The following ZNF385D variants were observed in gnomAD, a reference collection of about 807,000 sequenced individuals.
ZNF385D encodes zinc finger protein 385D, also known as zinc finger protein 659.
In ZNF385D, 15 loss-of-function variants were observed where a neutral mutation model predicts 35.8. The observed-to-expected ratio is 0.42, with a 90% confidence interval of 0.28 to 0.64. ZNF385D has a LOEUF of 0.64. Among genes scored for constraint, ZNF385D ranks in the 30% least tolerant of loss-of-function variants. The pLI, the probability that ZNF385D is intolerant of heterozygous loss-of-function variation, is 0.23. For missense variants in ZNF385D, 474 were observed against 494.6 expected (o/e 0.96, Z 0.39); for synonymous variants, 212 against 186.8 (o/e 1.13, Z -1.10).
In ZNF385D at chr3:22,019,067, T is replaced by A. The variant is rs1272786381; in HGVS notation, c.325+149750A>T. On this transcript the variant is annotated intron_variant, in intron 3 of 5. Transcript: ENST00000494108. ...TTTTTTTTTTTTTTTTTTTTTTTTT[T>A]ATGAAGGAGGCTATCCCTGTAGGGT... Among the ~76,000 whole-genome samples, 23 of 125,266 alleles carry A rather than the reference T, an allele frequency of 1.8e-4. 1 individual carries two copies. The highest frequency in any genetic ancestry group is 5.3e-4 in the East Asian group (2 of 3,772). The allele number at this position is 125,266 out of a possible 152,430, so 82.2% of individuals were successfully genotyped here.
intron 3 of ZNF385D, among the ~76,000 whole-genome samples, chr3:21,847,850 A>T (rs1271279292): frequency 6.6e-6 from 1 of 152,038 alleles, no homozygotes; most frequent in African/African-American, 2.4e-5. Flanking sequence ...AATATTTAAC[A>T]TGAGACCACA....
intron 3 of ZNF385D, among the ~76,000 whole-genome samples, chr3:22,118,267 T>C (rs960581582): frequency 2.0e-5 from 3 of 152,100 alleles, no homozygotes; most frequent in Non-Finnish European, 2.9e-5. Context: ...GTGACTGCCA[T>C]AGAGAAAATA....
Position 21,417,811 on chromosome 3 carries a change from C to A in ZNF385D, c.*3403G>T, listed in dbSNP as rs1351291027. ...TTCTTGGCAACAAAATATGTAGCACCTTTAGAAAAACCAAATTTCATCTCT... is the reference window on the plus strand; with the variant it reads ...TTCTTGGCAACAAAATATGTAGCACATTTAGAAAAACCAAATTTCATCTCT... On this transcript the variant is annotated 3_prime_UTR_variant, in exon 8 of 8. Transcript: ENST00000281523. 2.0e-5 allele frequency: 3 copies of A among 152,064 alleles called. No homozygotes were observed. Among genetic ancestry groups the A allele is most frequent in the Non-Finnish European group, 2.9e-5 (2 of 68,000 alleles). The allele number at this position is 152,064 out of a possible 1,614,324, so 9.4% of individuals were successfully genotyped here.
chr3:21,828,002 T>C (rs1694756834), intron 3 of ZNF385D, among the ~76,000 whole-genome samples: 1 of 152,210 alleles, frequency 6.6e-6, no homozygotes, highest in South Asian at 2.1e-4. Flanking sequence ...TAAGGAAAAC[T>C]TGACTCAGAG....
At chr3:21,648,785 A>G (rs1670008019) in intron 2 of ZNF385D, among the ~76,000 whole-genome samples, 1 of 152,190 alleles carries the variant, frequency 6.6e-6, no homozygotes, top group Non-Finnish European at 1.5e-5. Context: ...ACCCAAGACA[A>G]GTACAGTATT....
chr3:22,112,724 T>C (rs1406249942), intron 3 of ZNF385D, among the ~76,000 whole-genome samples: 1 of 151,712 alleles, frequency 6.6e-6, no homozygotes, highest in African/African-American at 2.4e-5. Flanking sequence ...AGATGAAGAG[T>C]CATGAGTTCC....
chr3:22,204,184 A>T lies in ZNF385D; in HGVS notation c.107-35149T>A, dbSNP rs556668610. ...TCTGTTTGGAAGAACGTAAGGGAAG[A>T]TAACAAGAGTTTCTGTCTGGTAATC... On this transcript the variant is annotated intron_variant, in intron 2 of 5. Transcript: ENST00000494108. 2.7e-3 allele frequency among the ~76,000 whole-genome samples: 405 copies of T among 152,206 alleles called. 2 individuals are homozygous for T. Among genetic ancestry groups the T allele is most frequent in the African/African-American group, 8.2e-3 (342 of 41,566 alleles).
intron 1 of ZNF385D, among the ~76,000 whole-genome samples, chr3:21,748,149 A>G (rs2069870956): frequency 6.6e-6 from 1 of 152,220 alleles, no homozygotes; most frequent in Admixed American, 6.5e-5. Context: ...TATTGAAAAC[A>G]CTGCACTAAA....
At chr3:21,950,727 G>T (rs1440796306) in intron 3 of ZNF385D, among the ~76,000 whole-genome samples, 1 of 151,638 alleles carries the variant, frequency 6.6e-6, no homozygotes, top group Non-Finnish European at 1.5e-5. Flanking sequence ...TTTTGCATAA[G>T]GTGTAAGGAA....
At chr3:21,815,320 G>C (rs1472487228) in intron 3 of ZNF385D, among the ~76,000 whole-genome samples, 1 of 152,082 alleles carries the variant, frequency 6.6e-6, no homozygotes, top group Non-Finnish European at 1.5e-5. Flanking sequence ...CAGAAGGCAA[G>C]AAATAACTAA....
At chr3:21,440,367 G>C (rs1701798706) in intron 4 of ZNF385D, among the ~76,000 whole-genome samples, 2 of 152,130 alleles carry the variant, frequency 1.3e-5, no homozygotes, top group South Asian at 4.1e-4. Flanking sequence ...GAGAAAAACA[G>C]AAAACAAACC....
chr3:22,005,600 A>C (rs530823117), intron 3 of ZNF385D, among the ~76,000 whole-genome samples: 1 of 152,150 alleles, frequency 6.6e-6, no homozygotes. Context: ...CATGTATCCC[A>C]TAAGTATGTA....
At chr3:22,098,479 G>A (rs1476330789) in intron 3 of ZNF385D, among the ~76,000 whole-genome samples, 2 of 151,974 alleles carry the variant, frequency 1.3e-5, no homozygotes, top group East Asian at 3.9e-4. Flanking sequence ...AAATTTATGT[G>A]GATAATTAGA....
At chr3:22,204,301 C>T (rs1240740535) in intron 2 of ZNF385D, among the ~76,000 whole-genome samples, 1 of 151,946 alleles carries the variant, frequency 6.6e-6, no homozygotes, top group African/African-American at 2.4e-5. Context: ...TGGGGTGCCA[C>T]CTAATGCAGA....
Position 21,994,196 on chromosome 3 carries a change from G to A in ZNF385D, c.325+174621C>T, listed in dbSNP as rs369870791. Reference sequence around the variant, plus strand: ...GTTCCTGGACATCTGGTAGGCTTTGGTGTTAGTTGGGTCATTAAACACATA... The same window carrying A: ...GTTCCTGGACATCTGGTAGGCTTTGATGTTAGTTGGGTCATTAAACACATA... On this transcript the variant is annotated intron_variant, in intron 3 of 5. Transcript: ENST00000494108. Among the ~76,000 whole-genome samples, 276 of 152,266 alleles carry A rather than the reference G, an allele frequency of 1.8e-3. 3 individuals carry two copies. The South Asian group carries it at 0.022, about 12-fold the overall frequency.
intron 5 of ZNF385D, among the ~76,000 whole-genome samples, chr3:21,427,073 G>A (rs1701055986): frequency 6.6e-6 from 1 of 152,164 alleles, no homozygotes; most frequent in Admixed American, 6.6e-5. Flanking sequence ...TGTAATGACT[G>A]TGATGCTTCA....
At chr3:21,644,359 C>T (rs182045400) in intron 2 of ZNF385D, among the ~76,000 whole-genome samples, 1 of 152,234 alleles carries the variant, frequency 6.6e-6, no homozygotes, top group East Asian at 1.9e-4. Flanking sequence ...GCTCAGGGTG[C>T]AAGGCAGAAG....
At chr3:22,272,572 T>C (rs922615026) in intron 2 of ZNF385D, among the ~76,000 whole-genome samples, 15 of 152,046 alleles carry the variant, frequency 9.9e-5, no homozygotes, top group African/African-American at 3.1e-4. Flanking sequence ...TTGTAAAACC[T>C]GTGATTTAGT....
intron 2 of ZNF385D, among the ~76,000 whole-genome samples, chr3:21,580,206 C>A (rs1185739117): frequency 6.6e-6 from 1 of 152,132 alleles, no homozygotes; most frequent in Non-Finnish European, 1.5e-5. Context: ...CTGTTTCTTG[C>A]CTGCCCCTGT....
Sources: allele counts gnomAD v4.1 joint callset (sites outside exome capture counted in the v4.1 genomes callset), GRCh38; gene constraint gnomAD v4.1.1; transcripts MANE v1.5; gene names NCBI Gene and HGNC (gene_info 2026-07-23, HGNC 2026-07-21).